Variants in ZNF613 observed in about 807,000 individuals in gnomAD.
ZNF613 encodes zinc finger protein 613.
A neutral mutation model predicts 14.3 loss-of-function variants in ZNF613; 8 were observed. That is an observed-to-expected ratio of 0.56 (90% CI 0.33 to 1.01). ZNF613 has a LOEUF of 1.01. ZNF613 is among the 50% of genes least tolerant of loss of function. The pLI is 0.03. For missense variants in ZNF613, 656 were observed against 741.9 expected, an observed-to-expected ratio of 0.88 and a Z score of 1.35; for synonymous variants, 228 against 254.5, an observed-to-expected ratio of 0.90 and a Z score of 0.99.
Position 51,944,556 on chromosome 19 carries a change from G to A in ZNF613, c.673G>A (p.Val225Ile), listed in dbSNP as rs751889461. 9.9e-6 allele frequency: 16 copies of A among 1,613,968 alleles called. No homozygotes were observed. Among genetic ancestry groups the A allele is most frequent in the East Asian group, 4.5e-5 (2 of 44,890 alleles). The change falls in exon 6 of 6, where the codon GTT (valine) becomes ATT (isoleucine). Residue 225 changes from valine to isoleucine, a missense_variant. Val to Ile is a conservative substitution (Grantham distance 29). Coordinates refer to ENST00000293471, the MANE Select transcript of ZNF613 (RefSeq NM_001031721.4). ...KKSRLIYHQRVHTGEKPHGCS... is the reference protein window; with the variant it reads ...KKSRLIYHQRIHTGEKPHGCS... The stretch of plus-strand genomic sequence containing the variant: ...GTCTCGCCTCATCTATCATCAGAGA[G>A]TTCACACTGGGGAGAAACCTCATGG...
At chr19:51,933,060 A>G (rs59868090) in intron 2 of ZNF613, among the ~76,000 whole-genome samples, 8,979 of 152,236 alleles carry the variant, frequency 0.059, 776 homozygotes, top group African/African-American at 0.19. Context: ...TAGCCAGGGA[A>G]TCTATAAACC....
At chr19:51,940,129 T>C in intron 3 of ZNF613, 80 bp from the exon 4 acceptor site, 1 of 1,559,884 alleles carries the variant, frequency 6.4e-7, no homozygotes. Flanking sequence ...TTGGTAAAAA[T>C]GAGCAGAACA....
rs1377924178 is a variant in ZNF613 at position 51,936,243 on chromosome 19, TTTG to T, written c.15+11_15+13del. 1.9e-6 allele frequency: 3 copies of T among 1,601,566 alleles called. No homozygotes were observed. In the Admixed American group the frequency reaches 5.1e-5, roughly 27 times the overall value. Reference sequence around the variant, plus strand: ...AAAATGATCAAGTCCCAGGTGACTTTTTGTTTGTTTTAGTCTTTCCTTCATCAC... The same window carrying T: ...AAAATGATCAAGTCCCAGGTGACTTTTTTGTTTTAGTCTTTCCTTCATCAC... On this transcript the variant is annotated intron_variant, in intron 3 of 5. Coordinates refer to ENST00000293471, the MANE Select transcript of ZNF613 (RefSeq NM_001031721.4).
At chr19:51,928,092 A>T (rs886897535) in intron 1 of ZNF613, 6 of 151,120 alleles carry the variant, frequency 4.0e-5, no homozygotes, top group Non-Finnish European at 8.8e-5. Flanking sequence ...TTATCTATCT[A>T]ATCTATCTGT....
Position 51,945,855 on chromosome 19 carries a change from C to T in ZNF613, c.*118C>T. ...AAGGTGGAAAGCCCTTGAATAAAACCTTATGGCTAATAAGCATATACTCAG... is the reference window on the plus strand; with the variant it reads ...AAGGTGGAAAGCCCTTGAATAAAACTTTATGGCTAATAAGCATATACTCAG... On this transcript the variant is annotated 3_prime_UTR_variant, in exon 6 of 6. Coordinates refer to ENST00000293471, the MANE Select transcript of ZNF613 (RefSeq NM_001031721.4). 4 of 1,130,862 alleles carry T rather than the reference C, an allele frequency of 3.5e-6. No homozygotes were observed. The highest frequency in any genetic ancestry group is 3.8e-6 in the Non-Finnish European group (3 of 793,592). The allele number at this position is 1,130,862 out of a possible 1,614,324, so 70.1% of individuals were successfully genotyped here.
intron 5 of ZNF613, among the ~76,000 whole-genome samples, chr19:51,943,479 T>G (rs113207654): frequency 0.018 from 2,682 of 152,330 alleles, 29 homozygotes; most frequent in Non-Finnish European, 0.026. Context: ...ATCTTGGTTA[T>G]CAGATCAACT....
chr19:51,945,823 T>C lies in ZNF613; in HGVS notation c.*86T>C. On this transcript the variant is annotated 3_prime_UTR_variant, in exon 6 of 6. Coordinates refer to ENST00000293471, the MANE Select transcript of ZNF613 (RefSeq NM_001031721.4). Reference sequence around the variant, plus strand: ...CAAAAAACACAGAGGAACAAACTGATATATTCAAGGTGGAAAGCCCTTGAA... The same window carrying C: ...CAAAAAACACAGAGGAACAAACTGACATATTCAAGGTGGAAAGCCCTTGAA... 7.2e-7 allele frequency: 1 copy of C among 1,382,672 alleles called. No individual in the cohort carries two copies. Among genetic ancestry groups the C allele is most frequent in the Non-Finnish European group, 1.0e-6 (1 of 1,002,920 alleles). The allele number at this position is 1,382,672 out of a possible 1,614,324, so 85.7% of individuals were successfully genotyped here.
chr19:51,944,786 T>G lies in ZNF613; in HGVS notation c.903T>G (p.Ser301=). The G allele has an allele frequency of 6.2e-7, 1 of 1,602,196 alleles. No individual in the cohort carries two copies. The highest frequency in any genetic ancestry group is 1.1e-5 in the South Asian group (1 of 90,720). ...SDCGKGFIKK[S]RLINHQRVHT... Reference sequence around the variant, plus strand: ...GTGGAAAAGGCTTCATCAAGAAGTCTCGGCTCATTAATCATCAGAGAGTTC... The same window carrying G: ...GTGGAAAAGGCTTCATCAAGAAGTCGCGGCTCATTAATCATCAGAGAGTTC... The change falls in exon 6 of 6, where the codon TCT becomes TCG. Residue 301 remains serine, a synonymous_variant. Coordinates refer to ENST00000293471, the MANE Select transcript of ZNF613 (RefSeq NM_001031721.4).
rs1477118119 is a variant in ZNF613 at position 51,940,718 on chromosome 19, A to G, written c.235+9A>G. ...CAGCCAAATCTGTCCAGGTGAGTTCAGGGTGAGAGCCAGCAAGGAGGGTGG... is the reference window on the plus strand; with the variant it reads ...CAGCCAAATCTGTCCAGGTGAGTTCGGGGTGAGAGCCAGCAAGGAGGGTGG... On this transcript the variant is annotated intron_variant, in intron 5 of 5. Coordinates refer to ENST00000293471, the MANE Select transcript of ZNF613 (RefSeq NM_001031721.4). The G allele has an allele frequency of 6.2e-7, 1 of 1,606,990 alleles. No homozygotes were observed. Among genetic ancestry groups the G allele is most frequent in the Non-Finnish European group, 8.5e-7 (1 of 1,176,522 alleles).
chr19:51,938,925 T>C (rs2085326438), intron 3 of ZNF613, among the ~76,000 whole-genome samples: 1 of 151,668 alleles, frequency 6.6e-6, no homozygotes, highest in Non-Finnish European at 1.5e-5. Context: ...AAATGACACA[T>C]GAATAAATAA....
At chr19:51,940,562 A>G in intron 4 of ZNF613, 55 bp from the exon 5 acceptor site, 1 of 1,556,252 alleles carries the variant, frequency 6.4e-7, no homozygotes, top group Non-Finnish European at 8.7e-7. Flanking sequence ...TCCCATGTTG[A>G]TAGACCACAG....
chr19:51,928,745 C>T (rs1322771160), intron 1 of ZNF613, among the ~76,000 whole-genome samples: 3 of 151,422 alleles, frequency 2.0e-5, no homozygotes, highest in Admixed American at 1.3e-4. Flanking sequence ...GTCTCAGCTA[C>T]TCGGGAGGCT....
chr19:51,940,406 G>C, intron 4 of ZNF613, 71 bp downstream of exon 4: 4 of 1,610,544 alleles, frequency 2.5e-6, no homozygotes, highest in Non-Finnish European at 3.4e-6. Context: ...GCTTTCAAAA[G>C]CTCTGGAGGG....
rs2085400614 is a variant in ZNF613, at chr19:51,946,204, A to G, written c.*467A>G. The G allele has an allele frequency of 6.2e-6, 1 of 161,278 alleles. No homozygotes were observed. The highest frequency in any genetic ancestry group is 5.9e-5 in the Admixed American group (1 of 17,082). The allele number at this position is 161,278 out of a possible 1,614,324, so 10.0% of individuals were successfully genotyped here. Reference sequence around the variant, plus strand: ...CATCAAAATATGAAAGAACACACGAAGCAAATAAGCCCTGTGAAAAGGAGT... The same window carrying G: ...CATCAAAATATGAAAGAACACACGAGGCAAATAAGCCCTGTGAAAAGGAGT... On this transcript the variant is annotated 3_prime_UTR_variant, in exon 6 of 6. Transcript: ENST00000293471.
At chr19:51,937,776 T>C (rs1023869801) in intron 3 of ZNF613, among the ~76,000 whole-genome samples, 21 of 147,754 alleles carry the variant, frequency 1.4e-4, no homozygotes, top group African/African-American at 5.3e-4. Flanking sequence ...GTCATCCAGA[T>C]TGGAGTGCAG....
chr19:51,930,920 A>G (rs552034460), intron 2 of ZNF613, among the ~76,000 whole-genome samples: 116 of 152,252 alleles, frequency 7.6e-4, no homozygotes, highest in African/African-American at 2.6e-3. Flanking sequence ...CCATGTACCT[A>G]CCAACACTTG....
Position 51,940,672 on chromosome 19 carries a change from G to A in ZNF613, c.198G>A (p.Trp66Ter). The A allele has an allele frequency of 6.2e-7, 1 of 1,613,578 alleles. No homozygotes were observed. The highest frequency in any genetic ancestry group is 2.2e-5 in the East Asian group (1 of 44,844). The change falls in exon 5 of 6, where the codon TGG becomes TGA. Residue 66 changes from tryptophan to a stop codon, truncating the protein, a stop_gained. Coordinates refer to ENST00000293471, the MANE Select transcript of ZNF613 (RefSeq NM_001031721.4). LOFTEE classifies it low-confidence loss of function (END_TRUNC). ...ALFKLEQGEP[W>*]TVENEIHSQI... ...TCAAGTTGGAACAAGGAGAGCCATG[G>A]ACAGTAGAAAATGAAATCCACAGCC... is the stretch of plus-strand genomic sequence containing the variant.
chr19:51,934,951 G>C (rs1485495986), intron 2 of ZNF613, among the ~76,000 whole-genome samples: 2 of 152,166 alleles, frequency 1.3e-5, no homozygotes, highest in Non-Finnish European at 2.9e-5. Context: ...CCACAATTAC[G>C]TGCTTCTGAG....
At chr19:51,942,228 A>G (rs995923533) in intron 5 of ZNF613, among the ~76,000 whole-genome samples, 3 of 152,128 alleles carry the variant, frequency 2.0e-5, no homozygotes, top group Non-Finnish European at 4.4e-5. Context: ...TCCTTGTTTC[A>G]TTGCCTTAAA....
Sources: allele counts gnomAD v4.1 joint callset (sites outside exome capture counted in the v4.1 genomes callset), GRCh38; gene constraint gnomAD v4.1.1; transcripts MANE v1.5; gene names NCBI Gene and HGNC (gene_info 2026-07-23, HGNC 2026-07-21).